The following SAMD4B variants were observed in gnomAD, a reference collection of about 807,000 sequenced individuals.
SAMD4B encodes sterile alpha motif domain containing 4B.
SAMD4B carries 5 observed loss-of-function variants against 74.5 expected under a neutral mutation model. The observed-to-expected ratio is 0.07, with a 90% CI of 0.04 to 0.14. The LOEUF is 0.14. Ranked by LOEUF, SAMD4B falls within the 10% of genes least tolerant of loss-of-function variation. The pLI is 1.00. For synonymous variants in SAMD4B, 373 were observed against 374.9 expected (o/e 1.00, Z 0.06); for missense variants, 608 against 921.8 (o/e 0.66, Z 4.41).
intron 4 of SAMD4B, among the ~76,000 whole-genome samples, chr19:39,370,658 C>T (rs2077237920): frequency 6.6e-6 from 1 of 152,160 alleles, no homozygotes; most frequent in South Asian, 2.1e-4. Context: ...CCAGTTCAGA[C>T]AACATTATGG....
chr19:39,379,484 CT>C (rs1166130053), intron 9 of SAMD4B, among the ~76,000 whole-genome samples: 1 of 152,230 alleles, frequency 6.6e-6, no homozygotes, highest in African/African-American at 2.4e-5. Context: ...ATGTATGTAT[CT>C]TTCCCTCACA....
At chr19:39,361,921 C>T (rs915097156) in intron 3 of SAMD4B, among the ~76,000 whole-genome samples, 1 of 152,016 alleles carries the variant, frequency 6.6e-6, no homozygotes, top group Admixed American at 6.5e-5. Context: ...AGCCAGACTC[C>T]GTCTCAAAGA....
intron 2 of SAMD4B, among the ~76,000 whole-genome samples, chr19:39,356,427 A>G (rs967681794): frequency 2.0e-5 from 3 of 152,184 alleles, no homozygotes; most frequent in Admixed American, 6.6e-5. Flanking sequence ...CTTTGACACT[A>G]TGACAGCCAG....
downstream of SAMD4B, chr19:39,390,011 G>T: frequency 7.2e-7 from 1 of 1,381,038 alleles, no homozygotes; most frequent in Non-Finnish European, 1.0e-6. Context: ...AACGAGACAA[G>T]CAGTCCCTGC....
downstream of SAMD4B, chr19:39,386,605 AG>A (rs749189084): frequency 6.2e-7 from 1 of 1,611,520 alleles, no homozygotes; most frequent in South Asian, 1.1e-5. This position sits in a 1 kb window ranked among gnomAD's most constrained non-coding sequence, Gnocchi z 6.1. Flanking sequence ...GAGGGGAAGG[AG>A]GGTGTTCTGC....
intron 3 of SAMD4B, among the ~76,000 whole-genome samples, chr19:39,366,830 G>A (rs907200560): frequency 5.9e-5 from 9 of 152,094 alleles, no homozygotes; most frequent in South Asian, 2.1e-4. Flanking sequence ...AGGAACTTGG[G>A]TTGAAAGACC....
chr19:39,381,188 T>A, intron 12 of SAMD4B, 75 bp downstream of exon 12: 2 of 1,500,194 alleles, frequency 1.3e-6, no homozygotes, highest in South Asian at 2.6e-5. Context: ...CTGGGTCTCA[T>A]GTCCACTGTT....
chr19:39,365,165 G>A (rs1182378991), intron 3 of SAMD4B, among the ~76,000 whole-genome samples: 1 of 150,268 alleles, frequency 6.7e-6, no homozygotes, highest in Non-Finnish European at 1.5e-5. Context: ...AGAATGGTGT[G>A]AACCCAGGAG....
chr19:39,356,923 C>G lies in SAMD4B; in HGVS notation c.30C>G (p.Leu10=). The G allele has an allele frequency of 1.2e-6, 2 of 1,612,960 alleles. No individual in the cohort carries two copies. Among genetic ancestry groups the G allele is most frequent in the Non-Finnish European group, 1.7e-6 (2 of 1,179,384 alleles). Residue 10 remains leucine (L), a synonymous_variant, in exon 3 of 14, where the codon CTC becomes CTG. Coordinates refer to ENST00000610417, the MANE Select transcript of SAMD4B (RefSeq NM_001384574.2). ...TGTTCCGAGACCAGGTGGGCATCCT[C>G]GCTGGCTGGTTCAAAGGCTGGAATG... MMFRDQVGI[L]AGWFKGWNEC...
intron 1 of SAMD4B, chr19:39,350,959 C>G (rs1286489595): frequency 6.6e-6 from 1 of 152,226 alleles, no homozygotes; most frequent in East Asian, 1.9e-4. Flanking sequence ...GGCTGCTGAT[C>G]TGGAACCTTT....
chr19:39,353,602 T>A (rs2076176973), intron 1 of SAMD4B, among the ~76,000 whole-genome samples: 1 of 152,010 alleles, frequency 6.6e-6, no homozygotes. Context: ...TGTTTTTTTG[T>A]TTTCTTGTTT....
At chr19:39,352,271 A>G (rs1476431563) in intron 1 of SAMD4B, 1 of 152,188 alleles carries the variant, frequency 6.6e-6, no homozygotes, top group Non-Finnish European at 1.5e-5. Flanking sequence ...TTCCCTGAGC[A>G]GTGGGGTGGC....
rs917627814 is a variant in SAMD4B at position 39,383,938 on chromosome 19, T to A, written c.*411T>A. ...GGAGCCTGCTCAGAAACATTTGACATTTGGGGTGACGCGCAGGGCAGAGAA... is the reference window on the plus strand; with the variant it reads ...GGAGCCTGCTCAGAAACATTTGACAATTGGGGTGACGCGCAGGGCAGAGAA... On this transcript the variant is annotated 3_prime_UTR_variant, in exon 14 of 14. Coordinates refer to ENST00000610417, the MANE Select transcript of SAMD4B (RefSeq NM_001384574.2). The surrounding 1 kb of genome is among the most constrained non-coding windows in gnomAD (Gnocchi z 4.1). 5.3e-6 allele frequency: 3 copies of A among 562,252 alleles called. No homozygotes were observed. The highest frequency in any genetic ancestry group is 9.5e-6 in the Non-Finnish European group (3 of 316,168). 34.8% of individuals were successfully genotyped at this position (562,252 alleles called of 1,614,324 possible). A position where few individuals can be genotyped will look rare whatever the true frequency, so the allele number is the denominator to read the frequency against.
chr19:39,370,147 G>A (rs1436978845), intron 4 of SAMD4B, 22 bp downstream of exon 4: 2 of 1,556,252 alleles, frequency 1.3e-6, no homozygotes, highest in Non-Finnish European at 1.7e-6. Context: ...GGGTGTCCCA[G>A]AAGGCCATGC....
chr19:39,370,229 C>A, intron 4 of SAMD4B, 104 bp downstream of exon 4: 1 of 1,128,300 alleles, frequency 8.9e-7, no homozygotes, highest in Non-Finnish European at 1.3e-6. Context: ...GTCACATAAG[C>A]TGTAGGCCTC....
At chr19:39,361,695 G>A (rs1172981613) in intron 3 of SAMD4B, among the ~76,000 whole-genome samples, 5 of 144,934 alleles carry the variant, frequency 3.4e-5, no homozygotes, top group South Asian at 2.2e-4. Flanking sequence ...AGGCCGAGGT[G>A]GGCGGATCAC....
intron 1 of SAMD4B, among the ~76,000 whole-genome samples, chr19:39,346,847 A>G (rs1319888514): frequency 6.6e-6 from 1 of 152,204 alleles, no homozygotes; most frequent in East Asian, 1.9e-4. Flanking sequence ...CTGGTCTTTT[A>G]GTTTCCACAG....
At chr19:39,380,515 G>A (rs1284043520) in intron 10 of SAMD4B, 72 bp from the exon 11 acceptor site, 3 of 1,499,994 alleles carry the variant, frequency 2.0e-6, no homozygotes, top group Admixed American at 3.3e-5. Context: ...GGTTGTTGGG[G>A]AAGGTGAGGA....
intron 4 of SAMD4B, among the ~76,000 whole-genome samples, chr19:39,371,814 C>T (rs1172528397): frequency 1.5e-5 from 2 of 135,400 alleles, no homozygotes; most frequent in Non-Finnish European, 3.0e-5. Context: ...GAGACCCCAT[C>T]TCAAAAAAAA....
Sources: gnomAD v4.1 joint callset for allele counts (sites outside exome capture counted in the v4.1 genomes callset) on GRCh38, gnomAD v4.1.1 for gene constraint, Gnocchi (gnomAD v3.1) non-coding constraint, MANE v1.5 for transcripts, NCBI Gene and HGNC (gene_info 2026-07-23, HGNC 2026-07-21) for gene names.